STC1: variants seen among roughly 807,000 people sequenced by gnomAD.
The protein encoded by STC1 is stanniocalcin-1.
A neutral mutation model predicts 22.6 loss-of-function variants in STC1; 7 were observed. The observed-to-expected ratio is 0.31, with a 90% CI of 0.18 to 0.58. The LOEUF (loss-of-function observed/expected upper bound fraction) is 0.58. STC1 is among the 20% of genes least tolerant of loss of function. STC1 has a pLI of 0.89. For synonymous variants in STC1, 113 were observed against 120.7 expected (o/e 0.94, Z 0.42); for missense variants, 224 against 311.0 (o/e 0.72, Z 2.10).
intron 1 of STC1, among the ~76,000 whole-genome samples, chr8:23,852,688 G>A (rs940777074): frequency 6.6e-6 from 1 of 152,198 alleles, no homozygotes; most frequent in African/African-American, 2.4e-5. Flanking sequence ...GTCTGGAAAT[G>A]CACAGTGCCT....
intron 1 of STC1, 65 bp downstream of exon 1, chr8:23,854,341 C>T: frequency 1.4e-6 from 2 of 1,425,170 alleles, no homozygotes; most frequent in South Asian, 2.3e-5. Context: ...GACACAGTTG[C>T]AAAAGGGAGA....
chr8:23,849,240 G>T (rs1802608297), intron 3 of STC1, among the ~76,000 whole-genome samples: 1 of 152,202 alleles, frequency 6.6e-6, no homozygotes, highest in African/African-American at 2.4e-5. Flanking sequence ...TGGGATAGAG[G>T]CTGGGAAAGC....
intron 3 of STC1, 115 bp downstream of exon 3, chr8:23,851,205 C>A: frequency 2.0e-6 from 2 of 1,010,352 alleles, no homozygotes; most frequent in Non-Finnish European, 1.5e-6. Context: ...GGGAAGACTG[C>A]AAGCTAAAAT....
At chr8:23,849,356 A>C (rs1802609704) in intron 3 of STC1, among the ~76,000 whole-genome samples, 1 of 152,224 alleles carries the variant, frequency 6.6e-6, no homozygotes, top group Non-Finnish European at 1.5e-5. Flanking sequence ...TGTTAAAGTG[A>C]AATTTTTGGA....
Position 23,851,304 on chromosome 8 carries a change from TAG to T in STC1, c.473+14_473+15del. On this transcript the variant is annotated intron_variant, in intron 3 of 3. Coordinates refer to ENST00000290271, the MANE Select transcript of STC1 (RefSeq NM_003155.3). ...TCCCAGTCCCCTGATTGTGAAAAAG[TAG>T]ACTCAGTTTGTACCTGTTGGAGAAG... is the stretch of plus-strand genomic sequence containing the variant. 2 of 1,613,908 alleles carry T rather than the reference TAG, an allele frequency of 1.2e-6. No individual in the cohort carries two copies. Among genetic ancestry groups the T allele is most frequent in the Non-Finnish European group, 1.7e-6 (2 of 1,179,856 alleles).
rs551811392 is a variant in STC1, at chr8:23,842,276, C to G, written c.*2494G>C. On this transcript the variant is annotated 3_prime_UTR_variant, in exon 4 of 4. Transcript: ENST00000290271. ...ATGCAAACTGGTCTAGGTCAGCCCC[C>G]GAATCACTCTGCAGCAAACACAAGA... 6.6e-6 allele frequency: 1 copy of G among 151,948 alleles called. No homozygotes were observed. Among genetic ancestry groups the G allele is most frequent in the Non-Finnish European group, 1.5e-5 (1 of 67,930 alleles). 9.4% of individuals were successfully genotyped at this position (151,948 alleles called of 1,614,324 possible). A position where few individuals can be genotyped will look rare whatever the true frequency, so the allele number is the denominator to read the frequency against.
At chr8:23,845,566 G>T (rs1802562869) in intron 3 of STC1, among the ~76,000 whole-genome samples, 1 of 152,100 alleles carries the variant, frequency 6.6e-6, no homozygotes, top group South Asian at 2.1e-4. Context: ...GTGTGTGTGT[G>T]TGTGTGTATG....
chr8:23,846,454 G>C (rs1433692183), intron 3 of STC1, among the ~76,000 whole-genome samples: 2 of 152,158 alleles, frequency 1.3e-5, no homozygotes, highest in African/African-American at 4.8e-5. Context: ...TTTCTCAGAG[G>C]AGCCCAAGGA....
chr8:23,848,742 C>T (rs1279236449), intron 3 of STC1, among the ~76,000 whole-genome samples: 1 of 151,820 alleles, frequency 6.6e-6, no homozygotes, highest in Non-Finnish European at 1.5e-5. Context: ...CAGATATTCT[C>T]CATAGCTACT....
chr8:23,848,529 CA>C (rs796433655), intron 3 of STC1, among the ~76,000 whole-genome samples: 1,401 of 63,610 alleles, frequency 0.022, 7 homozygotes, highest in African/African-American at 0.044. Context: ...GATACTCTGT[CA>C]AAAAAAAAAA....
intron 3 of STC1, among the ~76,000 whole-genome samples, chr8:23,848,280 C>T (rs1454534302): frequency 6.6e-6 from 1 of 151,962 alleles, no homozygotes; most frequent in Non-Finnish European, 1.5e-5. Context: ...GCCTGCAGTC[C>T]CAGCACTTTG....
rs575311969 is a variant in STC1 at position 23,850,148 on chromosome 8, T to C, written c.473+1172A>G. Among the ~76,000 whole-genome samples the C allele has an allele frequency of 9.2e-5, 14 of 152,350 alleles. No homozygotes were observed. The South Asian group carries it at 2.9e-3, about 32-fold the overall frequency. On this transcript the variant is annotated intron_variant, in intron 3 of 3. Coordinates refer to ENST00000290271, the MANE Select transcript of STC1 (RefSeq NM_003155.3). ...TACACAGCGTTTGTGTTAGGCACCT[T>C]AGCCTTTCCCTAAGGAGGAACTACT...
chr8:23,845,541 T>A (rs1802562147), intron 3 of STC1, among the ~76,000 whole-genome samples: 1 of 148,988 alleles, frequency 6.7e-6, no homozygotes, highest in South Asian at 2.1e-4. Flanking sequence ...TTTTTGGTGG[T>A]GTGTGGGCAC....
chr8:23,847,902 T>C (rs1802591949), intron 3 of STC1, among the ~76,000 whole-genome samples: 1 of 152,208 alleles, frequency 6.6e-6, no homozygotes, highest in Non-Finnish European at 1.5e-5. Flanking sequence ...TGCTTGGTAT[T>C]CTATTTTTGG....
chr8:23,854,220 G>T (rs1426532695), intron 1 of STC1, 186 bp downstream of exon 1: 1 of 1,028,302 alleles, frequency 9.7e-7, no homozygotes, highest in African/African-American at 1.6e-5. Flanking sequence ...TCGTTTAGTT[G>T]CATGCAATTT....
intron 2 of STC1, 33 bp downstream of exon 2, chr8:23,852,209 A>C: frequency 6.2e-7 from 1 of 1,613,876 alleles, no homozygotes; most frequent in African/African-American, 1.3e-5. Context: ...AAAGACAAGC[A>C]GCCAGTGGGA....
intron 3 of STC1, among the ~76,000 whole-genome samples, chr8:23,849,698 A>G (rs1802614480): frequency 6.6e-6 from 1 of 152,210 alleles, no homozygotes; most frequent in South Asian, 2.1e-4. Flanking sequence ...ATGCCGTATT[A>G]TAGATCATGA....
rs917141438 is a variant in STC1 at position 23,854,128 on chromosome 8, C to T, written c.118+278G>A. On this transcript the variant is annotated intron_variant, in intron 1 of 3. Transcript: ENST00000290271. ...CTTTCCTCCCCTCTCACCCCTCCCC[C>T]TCCAAGAGGGTACGTGCCAGATTTC... 7.1e-6 allele frequency: 9 copies of T among 1,266,502 alleles called. No homozygotes were observed. In the South Asian group the frequency reaches 8.3e-5, roughly 12 times the overall value. 78.5% of individuals were successfully genotyped at this position (1,266,502 alleles called of 1,614,324 possible).
chr8:23,845,074 C>T (rs1992053), intron 3 of STC1, 34 bp from the exon 4 acceptor site: 862,141 of 1,604,382 alleles, frequency 0.54, 235,505 homozygotes, highest in South Asian at 0.72. Context: ...ATGGTGGTCA[C>T]CCAGTGAGAG....
Sources: gnomAD v4.1 joint callset for allele counts (sites outside exome capture counted in the v4.1 genomes callset) on GRCh38, gnomAD v4.1.1 for gene constraint, MANE v1.5 for transcripts, NCBI Gene and HGNC (gene_info 2026-07-23, HGNC 2026-07-21) for gene names.